Variants in STXBP5L observed in about 807,000 individuals in gnomAD.
STXBP5L encodes syntaxin-binding protein 5-like.
STXBP5L carries 65 observed loss-of-function variants against 144.5 expected under a neutral mutation model. That is an observed-to-expected ratio of 0.45 (90% confidence interval 0.37 to 0.55). The LOEUF (loss-of-function observed/expected upper bound fraction) is 0.55. Among genes scored for constraint, STXBP5L ranks in the 20% least tolerant of loss-of-function variants. STXBP5L has a pLI of 0.00. For missense variants in STXBP5L, 1,298 were observed against 1,405.5 expected (o/e 0.92, Z 1.22); for synonymous variants, 505 against 469.6 (o/e 1.08, Z -0.97).
chr3:121,328,874 T>C (rs925776292), intron 20 of STXBP5L, among the ~76,000 whole-genome samples: 1 of 152,098 alleles, frequency 6.6e-6, no homozygotes, highest in Non-Finnish European at 1.5e-5. Context: ...CCTCTCCTAA[T>C]AGGGGCACTA....
intron 9 of STXBP5L, among the ~76,000 whole-genome samples, chr3:121,181,731 CT>C (rs1293621972): frequency 6.6e-6 from 1 of 151,936 alleles, no homozygotes; most frequent in African/African-American, 2.4e-5. Flanking sequence ...GAATGAGACC[CT>C]ATCTCAAAGA....
chr3:121,254,849 G>A (rs1249184235), intron 15 of STXBP5L, 46 bp from the exon 16 acceptor site: 2 of 1,456,944 alleles, frequency 1.4e-6, no homozygotes, highest in Admixed American at 2.3e-5. Flanking sequence ...TAACATCTAA[G>A]AATTAAGTTT....
chr3:121,008,607 G>A lies in STXBP5L; in HGVS notation c.288-33093G>A, dbSNP rs1218910472. ...ATAATAACACACTTAAAACTATATA[G>A]TATCATGTTTAAGCTGGTTCCTTAC... On this transcript the variant is annotated intron_variant, in intron 3 of 26. Coordinates refer to ENST00000471454, the MANE Select transcript of STXBP5L (RefSeq NM_001308330.2). Among the ~76,000 whole-genome samples, 26 of 151,868 alleles carry A rather than the reference G, an allele frequency of 1.7e-4. 1 individual carries two copies. The Admixed American group carries it at 1.7e-3, about 10-fold the overall frequency.
intron 5 of STXBP5L, among the ~76,000 whole-genome samples, chr3:121,072,685 G>C (rs899613677): frequency 6.6e-6 from 1 of 152,110 alleles, no homozygotes; most frequent in African/African-American, 2.4e-5. Context: ...AGTTACCTCT[G>C]TCATTACAGC....
intron 2 of STXBP5L, among the ~76,000 whole-genome samples, chr3:120,935,410 A>G (rs1374716072): frequency 6.9e-6 from 1 of 144,232 alleles, no homozygotes; most frequent in Non-Finnish European, 1.5e-5. Context: ...TAGCTCAATT[A>G]AGAATTTAAT....
chr3:121,014,593 T>C (rs1038687265), intron 3 of STXBP5L, among the ~76,000 whole-genome samples: 2 of 149,592 alleles, frequency 1.3e-5, no homozygotes, highest in African/African-American at 2.5e-5. Context: ...CTTTTGGCTA[T>C]TATGAATACC....
intron 7 of STXBP5L, among the ~76,000 whole-genome samples, chr3:121,129,470 A>G (rs914252759): frequency 1.3e-5 from 2 of 151,908 alleles, no homozygotes; most frequent in South Asian, 2.1e-4. Flanking sequence ...GTACATCGCT[A>G]TAAAAATAAC....
chr3:121,057,244 A>G (rs545376921), intron 5 of STXBP5L, among the ~76,000 whole-genome samples: 3 of 151,972 alleles, frequency 2.0e-5, no homozygotes, highest in African/African-American at 4.8e-5. Flanking sequence ...AATTAATGCT[A>G]CATGTTAATG....
Position 121,262,019 on chromosome 3 carries a change from T to C in STXBP5L, c.1958+2851T>C, listed in dbSNP as rs2050398125. Among the ~76,000 whole-genome samples the C allele has an allele frequency of 2.0e-5, 3 of 152,180 alleles. No homozygotes were observed. In the South Asian group the frequency reaches 6.2e-4, roughly 31 times the overall value. On this transcript the variant is annotated intron_variant, in intron 18 of 26. Transcript: ENST00000471454. ...GCTTCAAATATAGCACCTTCTAGCT[T>C]TGTTTGCGCTTGGCAGAAGGAGTGA...
chr3:121,007,514 A>AT (rs1944427960), intron 3 of STXBP5L, among the ~76,000 whole-genome samples: 1 of 151,914 alleles, frequency 6.6e-6, no homozygotes, highest in Non-Finnish European at 1.5e-5. Flanking sequence ...TTGGGTATGA[A>AT]TTTTTTTCTT....
intron 6 of STXBP5L, among the ~76,000 whole-genome samples, chr3:121,119,528 C>G (rs946657874): frequency 2.0e-5 from 3 of 150,938 alleles, no homozygotes; most frequent in African/African-American, 7.3e-5. Flanking sequence ...ATAGGGATAC[C>G]GAGAAGAATT....
At chr3:120,987,611 G>A (rs927451635) in intron 3 of STXBP5L, among the ~76,000 whole-genome samples, 2 of 151,788 alleles carry the variant, frequency 1.3e-5, no homozygotes, top group African/African-American at 4.8e-5. Context: ...ACAGAGGACG[G>A]CTTATCAGTT....
At chr3:120,945,267 A>T (rs1016264553) in intron 2 of STXBP5L, among the ~76,000 whole-genome samples, 1 of 151,996 alleles carries the variant, frequency 6.6e-6, no homozygotes, top group East Asian at 1.9e-4. Context: ...GGCATAGCAT[A>T]TATTAGGTAA....
intron 3 of STXBP5L, among the ~76,000 whole-genome samples, chr3:121,018,553 A>T (rs979670458): frequency 6.6e-6 from 1 of 150,646 alleles, no homozygotes; most frequent in Non-Finnish European, 1.5e-5. Context: ...AAATGCAGAC[A>T]CAGTCCTTAC....
intron 5 of STXBP5L, among the ~76,000 whole-genome samples, chr3:121,109,827 T>C (rs1481699115): frequency 6.6e-6 from 1 of 152,158 alleles, no homozygotes; most frequent in Non-Finnish European, 1.5e-5. Flanking sequence ...AGTTTCCTAT[T>C]ATTATTGTGG....
chr3:121,384,609 G>A (rs1280155485), intron 22 of STXBP5L, among the ~76,000 whole-genome samples: 4 of 151,988 alleles, frequency 2.6e-5, no homozygotes, highest in African/African-American at 9.7e-5. Context: ...TACTAAATGA[G>A]GATGGAAAAA....
chr3:120,958,751 A>T (rs928051699), intron 3 of STXBP5L, among the ~76,000 whole-genome samples: 4 of 152,236 alleles, frequency 2.6e-5, no homozygotes, highest in African/African-American at 9.6e-5. Flanking sequence ...GATGGGACGT[A>T]TCTCTAAATA....
chr3:121,327,732 T>C (rs2044197299), intron 20 of STXBP5L, among the ~76,000 whole-genome samples: 1 of 152,194 alleles, frequency 6.6e-6, no homozygotes, highest in African/African-American at 2.4e-5. Context: ...TTTCTTTTGT[T>C]TTTGATTTGG....
chr3:121,007,096 TGTC>T (rs1944383187), intron 3 of STXBP5L, among the ~76,000 whole-genome samples: 1 of 152,110 alleles, frequency 6.6e-6, no homozygotes, highest in African/African-American at 2.4e-5. Context: ...AATATTGGCC[TGTC>T]TTGCTAGATT....
Sources: gnomAD v4.1 joint callset for allele counts (sites outside exome capture counted in the v4.1 genomes callset) on GRCh38, gnomAD v4.1.1 for gene constraint, MANE v1.5 for transcripts, NCBI Gene and HGNC (gene_info 2026-07-23, HGNC 2026-07-21) for gene names.